GNAO1: variants seen among roughly 807,000 people sequenced by gnomAD.
GNAO1 encodes the protein guanine nucleotide-binding protein G(o) subunit alpha.
For synonymous variants in GNAO1, 164 were observed against 180.7 expected, an observed-to-expected ratio of 0.91 and a Z score of 0.74; for missense variants, 166 against 478.7, an observed-to-expected ratio of 0.35 and a Z score of 6.10.
At chr16:56,246,627 AG>A (rs1320015382) in intron 2 of GNAO1, among the ~76,000 whole-genome samples, 2 of 152,104 alleles carry the variant, frequency 1.3e-5, no homozygotes, top group African/African-American at 4.8e-5. Context: ...GTTTCCCATA[AG>A]GAAAAGCTCA....
intron 3 of GNAO1, chr16:56,307,748 C>T (rs2037412022): frequency 6.6e-6 from 1 of 152,282 alleles, no homozygotes; most frequent in South Asian, 2.1e-4. Context: ...ACCATGGTGT[C>T]TGTCTTCCAT....
chr16:56,291,990 C>T (rs577157163), intron 3 of GNAO1, among the ~76,000 whole-genome samples: 14 of 152,204 alleles, frequency 9.2e-5, no homozygotes, highest in Non-Finnish European at 1.5e-4. Context: ...GAATTGTGGA[C>T]GGACACAGAT....
intron 5 of GNAO1, chr16:56,336,448 C>T (rs554476615): frequency 1.3e-3 from 398 of 314,360 alleles, no homozygotes; most frequent in Non-Finnish European, 1.9e-3. Flanking sequence ...GGCTCAGGTG[C>T]GCCCTCTTAG....
intron 3 of GNAO1, among the ~76,000 whole-genome samples, chr16:56,304,113 A>C (rs1312977024): frequency 6.6e-6 from 1 of 152,226 alleles, no homozygotes; most frequent in Non-Finnish European, 1.5e-5. Flanking sequence ...CTGGTATAGG[A>C]GCCCAGCATC....
chr16:56,347,044 C>G, intron 6 of GNAO1: 1 of 985,460 alleles, frequency 1.0e-6, no homozygotes, highest in Non-Finnish European at 1.2e-6. Context: ...CTGGCCACCC[C>G]CTTTATTTCT....
At chr16:56,271,051 C>T (rs371343968) in intron 2 of GNAO1, 15 of 152,378 alleles carry the variant, frequency 9.8e-5, no homozygotes, top group African/African-American at 3.4e-4. Context: ...CTGAACTCTC[C>T]AGAGCTGTAT....
chr16:56,192,776 A>G, intron 2 of GNAO1, 160 bp downstream of exon 2: 1 of 565,404 alleles, frequency 1.8e-6, no homozygotes, highest in Non-Finnish European at 3.3e-6. Flanking sequence ...CCCCTCCCCC[A>G]CTCCCTACGT....
intron 6 of GNAO1, chr16:56,341,047 A>C: frequency 1.4e-6 from 2 of 1,406,614 alleles, no homozygotes; most frequent in South Asian, 2.5e-5. Context: ...CCCAAAGCCC[A>C]GTCCACCCTT....
chr16:56,246,200 G>A (rs1052771557), intron 2 of GNAO1, among the ~76,000 whole-genome samples: 3 of 152,186 alleles, frequency 2.0e-5, no homozygotes, highest in Non-Finnish European at 4.4e-5. Flanking sequence ...TTGGAGGTGA[G>A]GTCAGGGACA....
At chr16:56,304,798 G>T (rs1004888941) in intron 3 of GNAO1, among the ~76,000 whole-genome samples, 1 of 152,198 alleles carries the variant, frequency 6.6e-6, no homozygotes, top group Non-Finnish European at 1.5e-5. Flanking sequence ...CAACCACTTC[G>T]GCTGGCTGAG....
At chr16:56,347,339 C>A in intron 6 of GNAO1, 3 of 985,560 alleles carry the variant, frequency 3.0e-6, no homozygotes, top group Non-Finnish European at 3.6e-6. Flanking sequence ...CCAGGCAGTT[C>A]CTGCTGTCAG....
chr16:56,215,360 A>G (rs1215291658), intron 2 of GNAO1, among the ~76,000 whole-genome samples: 3 of 152,248 alleles, frequency 2.0e-5, no homozygotes, highest in African/African-American at 7.2e-5. Context: ...TACTACCAGA[A>G]CAGAATAGTC....
intron 2 of GNAO1, among the ~76,000 whole-genome samples, chr16:56,258,871 A>G (rs1371504987): frequency 6.6e-6 from 1 of 152,238 alleles, no homozygotes; most frequent in Non-Finnish European, 1.5e-5. Flanking sequence ...GAAGTTAGAC[A>G]GGGAAGCCCT....
intron 3 of GNAO1, among the ~76,000 whole-genome samples, chr16:56,303,423 C>T (rs1263755782): frequency 1.3e-5 from 2 of 152,194 alleles, no homozygotes; most frequent in Non-Finnish European, 2.9e-5. Flanking sequence ...CCACACAAAA[C>T]GGGTGACCAG....
intron 3 of GNAO1, among the ~76,000 whole-genome samples, chr16:56,316,765 G>A (rs2037515038): frequency 6.6e-6 from 1 of 152,202 alleles, no homozygotes; most frequent in East Asian, 1.9e-4. Flanking sequence ...TCCAGTTCCT[G>A]CTGGCAGTTC....
rs376408377 is a variant in GNAO1 at position 56,351,290 on chromosome 16, C to T, written c.724-94C>T. ...GGAGGAGCTGCCGAGTAGCCCAGTC[C>T]CTCTCTGTCAAGCCTAATTCTCTCC... On this transcript the variant is annotated intron_variant, in intron 6 of 8. Coordinates refer to ENST00000262493, the MANE Select transcript of GNAO1 (RefSeq NM_020988.3). This position sits in a 1 kb window ranked among gnomAD's most constrained non-coding sequence, Gnocchi z 6.1. 3 of 853,248 alleles carry T rather than the reference C, an allele frequency of 3.5e-6. No individual in the cohort carries two copies. Among genetic ancestry groups the T allele is most frequent in the African/African-American group, 3.3e-5 (2 of 60,056 alleles). The allele number at this position is 853,248 out of a possible 1,614,324, so 52.9% of individuals were successfully genotyped here.
At chr16:56,297,838 G>A (rs999755298) in intron 3 of GNAO1, among the ~76,000 whole-genome samples, 14 of 152,044 alleles carry the variant, frequency 9.2e-5, no homozygotes, top group African/African-American at 3.4e-4. Flanking sequence ...GTCAGGGAGT[G>A]TGTATTCTCT....
intron 3 of GNAO1, among the ~76,000 whole-genome samples, chr16:56,312,983 AAGCCCAG>A (rs1345694982): frequency 6.6e-6 from 1 of 152,266 alleles, no homozygotes; most frequent in African/African-American, 2.4e-5. Context: ...GCAAGGCCTC[AAGCCCAG>A]AGCCTTCTAC....
chr16:56,303,736 C>T (rs2037366274), intron 3 of GNAO1, among the ~76,000 whole-genome samples: 1 of 152,150 alleles, frequency 6.6e-6, no homozygotes, highest in African/African-American at 2.4e-5. Flanking sequence ...TGACCCCCAG[C>T]TCTTGTCCCC....
Sources: allele counts gnomAD v4.1 joint callset (sites outside exome capture counted in the v4.1 genomes callset), GRCh38; gene constraint gnomAD v4.1.1; non-coding constraint Gnocchi (gnomAD v3.1); transcripts MANE v1.5; gene names NCBI Gene and HGNC (gene_info 2026-07-23, HGNC 2026-07-21).